The following SI variants were observed in gnomAD, a reference collection of about 807,000 sequenced individuals.
SI encodes sucrase-isomaltase, intestinal.
In SI, 235 loss-of-function variants were observed where a neutral mutation model predicts 253.3. The observed-to-expected ratio is 0.93, with a 90% confidence interval of 0.83 to 1.03. SI has a LOEUF of 1.03. SI is among the 50% of genes least tolerant of loss of function. The pLI is 0.00. For missense variants in SI, 2,442 were observed against 2,211.1 expected, an observed-to-expected ratio of 1.10 and a Z score of -2.09; for synonymous variants, 819 against 712.0, an observed-to-expected ratio of 1.15 and a Z score of -2.39.
chr3:165,000,540 A>G (rs1410091597), intron 37 of SI, among the ~76,000 whole-genome samples: 1 of 151,472 alleles, frequency 6.6e-6, no homozygotes, highest in Non-Finnish European at 1.5e-5. Flanking sequence ...AAACATCACA[A>G]TGTACTCCAT....
chr3:165,054,795 C>A (rs897040627), intron 13 of SI, among the ~76,000 whole-genome samples: 7 of 152,224 alleles, frequency 4.6e-5, no homozygotes, highest in African/African-American at 7.2e-5. Context: ...AGGGCAGGGG[C>A]TTATTCAGAT....
At chr3:164,979,455 T>G (rs1423314743) in intron 47 of SI, 25 bp from the exon 48 acceptor site, 1 of 1,271,624 alleles carries the variant, frequency 7.9e-7, no homozygotes, top group Admixed American at 1.7e-5. Context: ...TAATAATTAG[T>G]TGTTTAATCA....
intron 22 of SI, 46 bp downstream of exon 22, chr3:165,036,343 C>T (rs1241594345): frequency 1.5e-6 from 2 of 1,327,308 alleles, no homozygotes; most frequent in South Asian, 1.2e-5. Context: ...GCCAAAACTT[C>T]CCATTATCAG....
chr3:165,033,169 C>A (rs987068171), intron 23 of SI, among the ~76,000 whole-genome samples: 2 of 151,466 alleles, frequency 1.3e-5, no homozygotes, highest in African/African-American at 4.8e-5. Flanking sequence ...CTAAAGGTTT[C>A]TTTCCATCAA....
At chr3:164,996,154 G>T (rs1717998924) in intron 40 of SI, among the ~76,000 whole-genome samples, 1 of 151,742 alleles carries the variant, frequency 6.6e-6, no homozygotes, top group Admixed American at 6.6e-5. Context: ...CGGGGACCAT[G>T]TAGATTTCAC....
At chr3:165,070,619 A>G (rs1052935591) in intron 3 of SI, among the ~76,000 whole-genome samples, 33 of 152,092 alleles carry the variant, frequency 2.2e-4, no homozygotes, top group Admixed American at 6.6e-4. Context: ...AACTCTAAAT[A>G]CATTTATATA....
chr3:164,989,235 C>T (rs1437608378), intron 44 of SI, among the ~76,000 whole-genome samples: 2 of 151,020 alleles, frequency 1.3e-5, no homozygotes, highest in Admixed American at 6.6e-5. Flanking sequence ...ATCCCAGATA[C>T]TTGGGAGGCT....
At chr3:165,080,429 G>T, upstream of SI, among the ~76,000 whole-genome samples, 1 of 151,882 alleles carries the variant, frequency 6.6e-6, no homozygotes, top group East Asian at 1.9e-4. Context: ...TGATTTTCAT[G>T]CTGCTAAAAA....
intron 9 of SI, among the ~76,000 whole-genome samples, chr3:165,061,855 A>G (rs1714000681): frequency 6.6e-6 from 1 of 151,930 alleles, no homozygotes; most frequent in African/African-American, 2.4e-5. Flanking sequence ...TGGAGATGTA[A>G]AGTTTCAGGC....
At chr3:165,016,387 A>C (rs1230358434) in intron 31 of SI, among the ~76,000 whole-genome samples, 4 of 152,042 alleles carry the variant, frequency 2.6e-5, no homozygotes, top group Non-Finnish European at 5.9e-5. Context: ...ACAGAAAGAC[A>C]CTGAGCAATA....
chr3:164,979,524 T>C, intron 47 of SI, 94 bp from the exon 48 acceptor site: 1 of 673,252 alleles, frequency 1.5e-6, no homozygotes, highest in East Asian at 2.8e-5. Flanking sequence ...TAATAAATAG[T>C]ATATACCTTT....
upstream of SI, among the ~76,000 whole-genome samples, chr3:165,078,835 C>T (rs1467720770): frequency 6.6e-6 from 1 of 151,330 alleles, no homozygotes; most frequent in Non-Finnish European, 1.5e-5. Context: ...TAGATCCTCA[C>T]TGGAGAGTAG....
chr3:165,014,420 T>G (rs1718930616), intron 33 of SI, among the ~76,000 whole-genome samples: 1 of 152,134 alleles, frequency 6.6e-6, no homozygotes, highest in Admixed American at 6.6e-5. Flanking sequence ...TTCTAATTTT[T>G]TTGTATTTTT....
At chr3:164,991,310 G>A (rs757440520) in intron 44 of SI, 43 bp downstream of exon 44, 2 of 1,608,700 alleles carry the variant, frequency 1.2e-6, no homozygotes, top group Non-Finnish European at 8.5e-7. Context: ...CTAGCATGAT[G>A]TATCTCAAAA....
intron 27 of SI, among the ~76,000 whole-genome samples, chr3:165,020,122 C>A (rs960314257): frequency 2.0e-5 from 3 of 151,568 alleles, no homozygotes; most frequent in Non-Finnish European, 4.4e-5. Flanking sequence ...CCTCAATTTT[C>A]CTGCTCCCTT....
Position 165,043,184 on chromosome 3 carries a change from C to A in SI, c.1888-9G>T, listed in dbSNP as rs753902077. The stretch of plus-strand genomic sequence containing the variant: ...CAGATGTCTGCTCCAACCTAAATAA[C>A]AAATATATTTACTATTTATAATGTT... On this transcript the variant is annotated splice_polypyrimidine_tract_variant and intron_variant, in intron 16 of 47. Transcript: ENST00000264382. 1 of 1,553,522 alleles carries A rather than the reference C, an allele frequency of 6.4e-7. No homozygotes were observed. Among genetic ancestry groups the A allele is most frequent in the Non-Finnish European group, 8.9e-7 (1 of 1,127,166 alleles).
chr3:165,074,826 C>T, intron 2 of SI, 159 bp from the exon 3 acceptor site: 2 of 605,262 alleles, frequency 3.3e-6, no homozygotes, highest in Middle Eastern at 4.7e-4. Context: ...ATTTCAAGCA[C>T]TAGTCATCAA....
chr3:165,002,516 A>T (rs1310445621), intron 37 of SI, among the ~76,000 whole-genome samples: 1 of 151,768 alleles, frequency 6.6e-6, no homozygotes, highest in African/African-American at 2.4e-5. Context: ...AATATGTGGC[A>T]GTTTGTAAGA....
chr3:165,031,177 C>T (rs1239301645), intron 24 of SI, among the ~76,000 whole-genome samples: 2 of 149,122 alleles, frequency 1.3e-5, no homozygotes, highest in Non-Finnish European at 3.0e-5. Context: ...GCTTATATGC[C>T]TTGGGAATAA....
Sources: allele counts gnomAD v4.1 joint callset (sites outside exome capture counted in the v4.1 genomes callset), GRCh38; gene constraint gnomAD v4.1.1; transcripts MANE v1.5; gene names NCBI Gene and HGNC (gene_info 2026-07-23, HGNC 2026-07-21).